The following TOP1MT variants were observed in gnomAD, a reference collection of about 807,000 sequenced individuals.
TOP1MT encodes DNA topoisomerase I mitochondrial, also known as DNA topoisomerase I, mitochondrial.
In TOP1MT, 80 loss-of-function variants were observed where a neutral mutation model predicts 73.9. That is an observed-to-expected ratio of 1.08 (90% CI 0.90 to 1.30). The LOEUF is 1.30. TOP1MT is among the 50% of genes most tolerant of loss of function. The pLI is 0.00. For synonymous variants in TOP1MT, 338 were observed against 326.4 expected (o/e 1.04, Z -0.38); for missense variants, 815 against 808.0 (o/e 1.01, Z -0.10).
chr8:143,334,099 C>T (rs1401447151), intron 1 of TOP1MT: 1 of 152,224 alleles, frequency 6.6e-6, no homozygotes, highest in Non-Finnish European at 1.5e-5. Flanking sequence ...TGCAGGATCT[C>T]CCACGCACCA....
In TOP1MT at chr8:143,341,752, A is replaced by G. The variant is rs1817085214; in HGVS notation, c.29+1468T>C. 6.6e-6 allele frequency among the ~76,000 whole-genome samples: 1 copy of G among 152,124 alleles called. No homozygotes were observed. The highest frequency in any genetic ancestry group is 2.1e-4 in the South Asian group (1 of 4,830). On this transcript the variant is annotated intron_variant, in intron 2 of 5. Transcript: ENST00000518007. This position sits in a 1 kb window ranked among gnomAD's most constrained non-coding sequence, Gnocchi z 4.1. The stretch of plus-strand genomic sequence containing the variant: ...TGCCAGCGTCCACCCTGACCCAGAC[A>G]CAAAACACCAGAAAGGGAAGGTCAC...
intron 5 of TOP1MT, 41 bp downstream of exon 5, chr8:143,325,305 C>T (rs747381119): frequency 2.6e-6 from 4 of 1,546,026 alleles, no homozygotes; most frequent in Non-Finnish European, 2.6e-6. Context: ...ACCCGGGTGG[C>T]GGGGGTCCAG....
chr8:143,332,698 C>T lies in TOP1MT; in HGVS notation c.123-1359G>A, dbSNP rs1035011403. On this transcript the variant is annotated intron_variant, in intron 1 of 13. Transcript: ENST00000329245. Reference sequence around the variant, plus strand: ...TGGGCAAGGTTAGAAGACGTAGAGACGGAGCTGATAAAGTAGGGAGAAGTT... The same window carrying T: ...TGGGCAAGGTTAGAAGACGTAGAGATGGAGCTGATAAAGTAGGGAGAAGTT... 7 of 604,042 alleles carry T rather than the reference C, an allele frequency of 1.2e-5. No homozygotes were observed. In the East Asian group the frequency reaches 3.4e-4, roughly 29 times the overall value. 37.4% of individuals were successfully genotyped at this position (604,042 alleles called of 1,614,324 possible). A position where few individuals can be genotyped will look rare whatever the true frequency, so the allele number is the denominator to read the frequency against.
intron 2 of TOP1MT, among the ~76,000 whole-genome samples, chr8:143,330,534 T>A (rs568055774): frequency 1.3e-5 from 2 of 152,312 alleles, no homozygotes; most frequent in African/African-American, 4.8e-5. Flanking sequence ...GGTGTGCATG[T>A]GACTCGGCAG....
In TOP1MT at chr8:143,326,337, G is replaced by T; in HGVS notation, c.368C>A (p.Ala123Glu). ...NFFNDWRKEM[A>E]VEEREVIKSL... Reference sequence around the variant, plus strand: ...CTTGATGACTTCCCTCTCTTCCACCGCCATTTCCTGCAAAAACCACAGACA... The same window carrying T: ...CTTGATGACTTCCCTCTCTTCCACCTCCATTTCCTGCAAAAACCACAGACA... Residue 123 changes from alanine to glutamate, a missense_variant, in exon 4 of 14, where the codon GCG becomes GAG. Ala to Glu is a moderately radical substitution (Grantham distance 107, BLOSUM62 -1). Around this residue, in one of 3 missense-constraint regions of TOP1MT, gnomAD observed 751 missense variants for 725.4 expected, o/e 1.04. Coordinates refer to ENST00000329245, the MANE Select transcript of TOP1MT (RefSeq NM_052963.3). The T allele has an allele frequency of 6.2e-7, 1 of 1,613,856 alleles. No homozygotes were observed. Among genetic ancestry groups the T allele is most frequent in the South Asian group, 1.1e-5 (1 of 91,072 alleles).
rs1288966566 is a variant in TOP1MT, at chr8:143,322,117, CCA to C, written c.961-733_961-732del. 2.5e-4 allele frequency among the ~76,000 whole-genome samples: 28 copies of C among 112,542 alleles called. 1 individual carries two copies. The highest frequency in any genetic ancestry group is 4.6e-4 in the Non-Finnish European group (26 of 57,092). 73.8% of individuals were successfully genotyped at this position (112,542 alleles called of 152,430 possible). On this transcript the variant is annotated intron_variant, in intron 7 of 13. Transcript: ENST00000329245. ...CAAACACGCACGCCACACATGCACG[CCA>C]CACACACAGGCACGCCACACAGGCA... is the stretch of plus-strand genomic sequence containing the variant.
intron 3 of TOP1MT, chr8:143,328,121 C>T (rs1045060329): frequency 4.8e-6 from 2 of 418,720 alleles, no homozygotes; most frequent in Non-Finnish European, 9.5e-6. Context: ...ATAGAAACTA[C>T]AAACACCATG....
At chr8:143,347,355 CCAT>C (rs1193156027), upstream of TOP1MT, among the ~76,000 whole-genome samples, 1 of 152,206 alleles carries the variant, frequency 6.6e-6, no homozygotes. Context: ...CAGGGTTTCA[CCAT>C]GTTAGCCAGG....
chr8:143,347,434 C>T (rs1022525050), upstream of TOP1MT, among the ~76,000 whole-genome samples: 1 of 152,304 alleles, frequency 6.6e-6, no homozygotes. Context: ...GGATTACAGG[C>T]ATGAGCCACC....
intron 1 of TOP1MT, among the ~76,000 whole-genome samples, chr8:143,350,430 C>A (rs1388318797): frequency 1.3e-5 from 2 of 152,230 alleles, no homozygotes; most frequent in African/African-American, 2.4e-5. Context: ...CTCCCGGGTT[C>A]AAGTGATTCT....
intron 12 of TOP1MT, among the ~76,000 whole-genome samples, chr8:143,313,940 C>T (rs1275088281): frequency 6.6e-6 from 1 of 151,662 alleles, no homozygotes; most frequent in Non-Finnish European, 1.5e-5. Context: ...AATAATAAAA[C>T]AACAACCCGA....
intron 7 of TOP1MT, among the ~76,000 whole-genome samples, 181 bp from the exon 8 acceptor site, chr8:143,321,567 GCACGCCACACAGGCACGCCACACGCAC>G (rs2130047198): frequency 1.2e-4 from 5 of 43,408 alleles, no homozygotes; most frequent in South Asian, 1.1e-3. Context: ...CCACACACAC[GCACGCCACACAGGCACGCCACACGCAC>G]GCACGCCACA....
chr8:143,326,104 A>G, intron 4 of TOP1MT, 118 bp downstream of exon 4: 2 of 1,202,498 alleles, frequency 1.7e-6, no homozygotes, highest in South Asian at 3.0e-5. Context: ...ACGAGAAAAG[A>G]GCAGCTTTGT....
At chr8:143,326,366 G>A (rs775740555) in intron 3 of TOP1MT, 22 bp from the exon 4 acceptor site, 7 of 1,613,528 alleles carry the variant, frequency 4.3e-6, no homozygotes, top group East Asian at 4.5e-5. Context: ...ACAGACACGC[G>A]CTCTCACCAT....
chr8:143,310,110 G>C lies in TOP1MT; in HGVS notation c.1661C>G (p.Thr554Arg), dbSNP rs761519188. The change falls in exon 13 of 14, where the codon ACG becomes AGG. Residue 554 changes from threonine (T) to arginine (R), a missense_variant. Around this residue, in one of 3 missense-constraint regions of TOP1MT, gnomAD observed 751 missense variants for 725.4 expected, o/e 1.04. Coordinates refer to ENST00000329245, the MANE Select transcript of TOP1MT (RefSeq NM_052963.3). ...GGGGTCCAGGTAGTTGAGCTTGGAC[G>C]TGCCCAGGGCCACCTGCTTGTTCTC... ...KEENKQVALGTSKLNYLDPRI... is the reference protein window; with the variant it reads ...KEENKQVALGRSKLNYLDPRI... 6.2e-7 allele frequency: 1 copy of C among 1,613,580 alleles called. No homozygotes were observed.
At chr8:143,309,978 A>C in intron 13 of TOP1MT, 90 bp downstream of exon 13, 1 of 1,597,182 alleles carries the variant, frequency 6.3e-7, no homozygotes, top group Non-Finnish European at 8.5e-7. Context: ...ACACGGGACA[A>C]GGGCAATGCT....
chr8:143,342,075 G>A (rs948930870), intron 2 of TOP1MT, among the ~76,000 whole-genome samples: 3 of 120,672 alleles, frequency 2.5e-5, no homozygotes, highest in East Asian at 2.2e-4. Context: ...GTCTCGCTCT[G>A]TTATTATTAT....
rs200344869 is a variant in TOP1MT at position 143,322,483 on chromosome 8, C to T, written c.961-1097G>A. Among the ~76,000 whole-genome samples the T allele has an allele frequency of 9.0e-4, 104 of 115,258 alleles. 2 individuals are homozygous for T. The East Asian group carries it at 0.027, about 30-fold the overall frequency. 75.6% of individuals were successfully genotyped at this position (115,258 alleles called of 152,430 possible). A position where few individuals can be genotyped will look rare whatever the true frequency, so the allele number is the denominator to read the frequency against. On this transcript the variant is annotated intron_variant, in intron 7 of 13. Coordinates refer to ENST00000329245, the MANE Select transcript of TOP1MT (RefSeq NM_052963.3). Reference sequence around the variant, plus strand: ...GCCACACAGGCACGCCACACAGGCACGCCACACGCACGCCACACACACAGG... The same window carrying T: ...GCCACACAGGCACGCCACACAGGCATGCCACACGCACGCCACACACACAGG...
At chr8:143,309,696 C>T in intron 13 of TOP1MT, 153 bp from the exon 14 acceptor site, 1 of 1,514,294 alleles carries the variant, frequency 6.6e-7, no homozygotes, top group Non-Finnish European at 8.8e-7. Context: ...CCAACCCCAC[C>T]CCACGCATGC....
Sources: gnomAD v4.1 joint callset for allele counts (sites outside exome capture counted in the v4.1 genomes callset) on GRCh38, gnomAD v4.1.1 for gene constraint, gnomAD v4.1.1 regional missense constraint, Gnocchi (gnomAD v3.1) non-coding constraint, MANE v1.5 for transcripts, NCBI Gene and HGNC (gene_info 2026-07-23, HGNC 2026-07-21) for gene names.